CACHD1: variants seen among roughly 807,000 people sequenced by gnomAD.
CACHD1 encodes cache domain containing 1.
Under a neutral mutation model 138.7 loss-of-function variants are expected in CACHD1, and 71 were observed. The ratio of observed to expected loss-of-function variants is 0.51; its 90% CI spans 0.42 to 0.62. The LOEUF is 0.62. CACHD1 is among the 20% of genes least tolerant of loss of function. The pLI is 0.00. For missense variants in CACHD1, 1,389 were observed against 1,625.3 expected, an observed-to-expected ratio of 0.85 and a Z score of 2.50; for synonymous variants, 578 against 591.5, an observed-to-expected ratio of 0.98 and a Z score of 0.33.
At chr1:64,523,772 AAGTC>A (rs1646515702) in intron 1 of CACHD1, among the ~76,000 whole-genome samples, 1 of 152,240 alleles carries the variant, frequency 6.6e-6, no homozygotes, top group Non-Finnish European at 1.5e-5. Context: ...TAACTAGAAA[AAGTC>A]AGAAATAGTC....
chr1:64,670,086 A>G (rs1204256166), intron 16 of CACHD1, among the ~76,000 whole-genome samples: 9 of 152,184 alleles, frequency 5.9e-5, no homozygotes, highest in African/African-American at 2.2e-4. Context: ...TGCTCTGCAG[A>G]TCTAAGAAGG....
At chr1:64,568,100 T>C (rs974546361) in intron 2 of CACHD1, among the ~76,000 whole-genome samples, 1 of 152,250 alleles carries the variant, frequency 6.6e-6, no homozygotes, top group African/African-American at 2.4e-5. Context: ...ATTATTAACA[T>C]AACCTTAAGA....
intron 4 of CACHD1, among the ~76,000 whole-genome samples, chr1:64,606,256 C>T (rs80347925): frequency 2.4e-4 from 36 of 152,130 alleles, no homozygotes; most frequent in African/African-American, 8.2e-4. Flanking sequence ...ATAGGGAATA[C>T]GGTTGGCTGT....
intron 9 of CACHD1, among the ~76,000 whole-genome samples, chr1:64,651,434 A>T (rs553509534): frequency 3.2e-4 from 49 of 152,276 alleles, no homozygotes; most frequent in African/African-American, 1.0e-3. Context: ...TCCTTTATCC[A>T]TAGTCTCTTT....
chr1:64,689,120 G>A (rs1369598446), intron 26 of CACHD1, among the ~76,000 whole-genome samples: 1 of 134,094 alleles, frequency 7.5e-6, no homozygotes, highest in Non-Finnish European at 1.6e-5. Context: ...GGACACACAT[G>A]TCTCCCATCC....
chr1:64,691,663 G>T lies in CACHD1; in HGVS notation c.*102G>T. 2 of 1,048,834 alleles carry T rather than the reference G, an allele frequency of 1.9e-6. No homozygotes were observed. Among genetic ancestry groups the T allele is most frequent in the South Asian group, 1.4e-5 (1 of 69,122 alleles). 65.0% of individuals were successfully genotyped at this position (1,048,834 alleles called of 1,614,324 possible). The stretch of plus-strand genomic sequence containing the variant: ...ACCCACAGCAAGAGACCTCCCTTGT[G>T]TTTGTGCTTTGTGCAGAGTTGTTTG... On this transcript the variant is annotated 3_prime_UTR_variant, in exon 27 of 27. Transcript: ENST00000651257.
At chr1:64,493,887 G>A (rs998842534) in intron 1 of CACHD1, among the ~76,000 whole-genome samples, 2 of 152,124 alleles carry the variant, frequency 1.3e-5, no homozygotes, top group Non-Finnish European at 2.9e-5. Context: ...TAATAGACAC[G>A]GCTGCCTCTG....
intron 4 of CACHD1, among the ~76,000 whole-genome samples, chr1:64,611,509 A>G (rs977228732): frequency 4.6e-5 from 7 of 152,254 alleles, no homozygotes; most frequent in South Asian, 2.1e-4. Flanking sequence ...TCCTTGCCAG[A>G]TACCCTAAAT....
At chr1:64,489,227 G>A (rs1171596898) in intron 1 of CACHD1, among the ~76,000 whole-genome samples, 1 of 152,024 alleles carries the variant, frequency 6.6e-6, no homozygotes, top group African/African-American at 2.4e-5. Flanking sequence ...CCTTCAACTT[G>A]GTTTTTTATT....
intron 1 of CACHD1, among the ~76,000 whole-genome samples, chr1:64,500,360 G>T (rs545110220): frequency 5.6e-4 from 85 of 152,258 alleles, no homozygotes; most frequent in African/African-American, 2.0e-3. Context: ...ATATGTGCCT[G>T]TTGGGAATGA....
chr1:64,671,838 T>C (rs1649827557), intron 17 of CACHD1, 152 bp downstream of exon 17: 12 of 916,154 alleles, frequency 1.3e-5, no homozygotes, highest in Non-Finnish European at 2.0e-5. Context: ...TTTGTTCTTT[T>C]TCTCTTCTTT....
chr1:64,506,856 C>T (rs1646380833), intron 1 of CACHD1, among the ~76,000 whole-genome samples: 1 of 152,164 alleles, frequency 6.6e-6, no homozygotes, highest in South Asian at 2.1e-4. Flanking sequence ...GCCTGTTCTT[C>T]GTTCAAGTAG....
rs1231080739 is a variant in CACHD1, at chr1:64,658,787, T to C, written c.1865T>C (p.Val622Ala). 6.2e-7 allele frequency: 1 copy of C among 1,607,512 alleles called. No homozygotes were observed. Among genetic ancestry groups the C allele is most frequent in the South Asian group, 1.1e-5 (1 of 90,108 alleles). ...AAACAACTGAAGAACCTCAACACTG[T>C]TCCCAGCAGCAAGCTGCTGTACCAC... ...PVKQLKNLNT[V>A]PSSKLLYHRL... Residue 622 changes from valine to alanine, a missense_variant, in exon 13 of 27, where the codon GTT becomes GCT. Transcript: ENST00000651257.
At chr1:64,569,287 T>C (rs1292046188) in intron 2 of CACHD1, among the ~76,000 whole-genome samples, 1 of 152,168 alleles carries the variant, frequency 6.6e-6, no homozygotes, top group East Asian at 1.9e-4. Flanking sequence ...CACACAAATA[T>C]ACAAATTTAA....
At chr1:64,545,460 T>C (rs912547911) in intron 1 of CACHD1, among the ~76,000 whole-genome samples, 1 of 152,260 alleles carries the variant, frequency 6.6e-6, no homozygotes, top group Non-Finnish European at 1.5e-5. Context: ...AATGGAATTA[T>C]ATACTTTGTA....
Position 64,664,613 on chromosome 1 carries a change from AT to A in CACHD1, c.2211del (p.Asn737LysfsTer28). 6.2e-7 allele frequency: 1 copy of A among 1,614,146 alleles called. No individual in the cohort carries two copies. Among genetic ancestry groups the A allele is most frequent in the Middle Eastern group, 1.6e-4 (1 of 6,062 alleles). On this transcript the variant is annotated frameshift_variant, in exon 15 of 27. Transcript: ENST00000651257. LOFTEE classifies it high-confidence loss of function. ...YIVRRYIATPNGVLRIYPGSL... is the reference protein window; with the variant it reads ...YIVRRYIATPXGVLRIYPGSL... Reference sequence around the variant, plus strand: ...GTCCGCCGTTACATAGCAACACCCAATGGCGTCCTCAGAATTTATCCTGGTT... The same window carrying A: ...GTCCGCCGTTACATAGCAACACCCAAGGCGTCCTCAGAATTTATCCTGGTT...
chr1:64,585,833 C>T (rs1414171472), intron 3 of CACHD1, among the ~76,000 whole-genome samples: 4 of 152,170 alleles, frequency 2.6e-5, no homozygotes, highest in Admixed American at 2.6e-4. Flanking sequence ...GGAGTGAACC[C>T]TGAGCTGATA....
intron 9 of CACHD1, among the ~76,000 whole-genome samples, chr1:64,650,711 C>T (rs1165781052): frequency 6.6e-6 from 1 of 152,080 alleles, no homozygotes; most frequent in East Asian, 1.9e-4. Context: ...TTTGTAGAAG[C>T]CTTCAGGAGT....
At chr1:64,573,614 G>C (rs1158352843) in intron 2 of CACHD1, among the ~76,000 whole-genome samples, 2 of 152,172 alleles carry the variant, frequency 1.3e-5, no homozygotes, top group Non-Finnish European at 2.9e-5. Context: ...TCTACACTCA[G>C]AGGAAGATCT....
Sources: allele counts gnomAD v4.1 joint callset (sites outside exome capture counted in the v4.1 genomes callset), GRCh38; gene constraint gnomAD v4.1.1; transcripts MANE v1.5; gene names NCBI Gene and HGNC (gene_info 2026-07-23, HGNC 2026-07-21).